The following RYR2 variants were observed in gnomAD, a reference collection of about 807,000 sequenced individuals.
RYR2 encodes ryanodine receptor 2.
RYR2 carries 227 observed loss-of-function variants against 601.1 expected under a neutral mutation model. That is an observed-to-expected ratio of 0.38 (90% CI 0.34 to 0.42). The LOEUF is 0.42. RYR2 is among the 10% of genes least tolerant of loss of function. The pLI, the probability that RYR2 is intolerant of heterozygous loss-of-function variation, is 1.00. For missense variants in RYR2, 4,646 were observed against 6,156.5 expected (o/e 0.75, Z 8.21); for synonymous variants, 2,223 against 2,175.1 (o/e 1.02, Z -0.61).
intron 38 of RYR2, among the ~76,000 whole-genome samples, chr1:237,622,985 A>G (rs1031686197): frequency 6.6e-6 from 1 of 152,206 alleles, no homozygotes; most frequent in Non-Finnish European, 1.5e-5. Context: ...TTACTTTTCA[A>G]TTATATTTTT....
intron 16 of RYR2, among the ~76,000 whole-genome samples, chr1:237,457,325 C>G (rs1658958750): frequency 1.3e-5 from 2 of 152,120 alleles, no homozygotes; most frequent in Non-Finnish European, 2.9e-5. Context: ...GCGACAGTTG[C>G]TGTGGTTTAC....
intron 10 of RYR2, among the ~76,000 whole-genome samples, chr1:237,409,586 G>A (rs1704240774): frequency 6.6e-6 from 1 of 152,028 alleles, no homozygotes; most frequent in South Asian, 2.1e-4. Context: ...AGAAATACCT[G>A]TTATGACATT....
At chr1:237,750,041 G>T (rs1339174873) in intron 80 of RYR2, among the ~76,000 whole-genome samples, 1 of 152,104 alleles carries the variant, frequency 6.6e-6, no homozygotes, top group African/African-American at 2.4e-5. Flanking sequence ...AGCTACTCGG[G>T]AGGCCGAGGC....
intron 14 of RYR2, among the ~76,000 whole-genome samples, chr1:237,452,067 A>G (rs1261977860): frequency 1.6e-5 from 1 of 60,854 alleles, no homozygotes. Flanking sequence ...TGGGGAATAT[A>G]TATAAAATTT....
At chr1:237,616,341 A>C (rs1678466738) in intron 37 of RYR2, among the ~76,000 whole-genome samples, 1 of 152,218 alleles carries the variant, frequency 6.6e-6, no homozygotes, top group Non-Finnish European at 1.5e-5. Context: ...ATACTCACTC[A>C]GTTATAAATC....
chr1:237,096,132 G>A (rs563909470), intron 1 of RYR2, among the ~76,000 whole-genome samples: 4 of 152,282 alleles, frequency 2.6e-5, no homozygotes, highest in East Asian at 3.9e-4. Flanking sequence ...ATTTCTGGGT[G>A]GGAGGAATAA....
At chr1:237,823,907 A>C (rs2790355) in intron 101 of RYR2, among the ~76,000 whole-genome samples, 27,842 of 152,112 alleles carry the variant, frequency 0.18, 3,300 homozygotes, top group East Asian at 0.56. Flanking sequence ...ACACCTTTAC[A>C]CAAATAAACT....
intron 7 of RYR2, 90 bp from the exon 8 acceptor site, chr1:237,377,233 T>C: frequency 1.2e-6 from 1 of 854,408 alleles, no homozygotes; most frequent in Non-Finnish European, 1.8e-6. Flanking sequence ...TCCGGATTTC[T>C]GAAAGTTGTG....
intron 31 of RYR2, 79 bp downstream of exon 31, chr1:237,591,071 T>A: frequency 8.2e-7 from 1 of 1,225,888 alleles, no homozygotes; most frequent in Non-Finnish European, 1.1e-6. Flanking sequence ...GGTCTCCTAG[T>A]GTAAATTTTT....
At chr1:237,615,351 A>G (rs1678350283) in intron 37 of RYR2, among the ~76,000 whole-genome samples, 1 of 152,060 alleles carries the variant, frequency 6.6e-6, no homozygotes, top group Non-Finnish European at 1.5e-5. Flanking sequence ...CACCATGCCC[A>G]GTTAATTTTT....
chr1:237,357,504 A>G (rs1699405462), intron 4 of RYR2, among the ~76,000 whole-genome samples: 1 of 152,204 alleles, frequency 6.6e-6, no homozygotes, highest in Non-Finnish European at 1.5e-5. Context: ...ACTTGCCAGT[A>G]AATAAAATCA....
chr1:237,142,615 T>C (rs1410553153), intron 1 of RYR2, among the ~76,000 whole-genome samples: 1 of 152,120 alleles, frequency 6.6e-6, no homozygotes, highest in Non-Finnish European at 1.5e-5. Context: ...GAGCTCTTCA[T>C]TGGTGGGGCA....
At chr1:237,799,577 A>T (rs1034882769) in intron 97 of RYR2, among the ~76,000 whole-genome samples, 3 of 152,320 alleles carry the variant, frequency 2.0e-5, no homozygotes, top group East Asian at 3.9e-4. Flanking sequence ...ACCTTGACAT[A>T]TGGAGAATAA....
At chr1:237,778,223 A>G (rs1394669944) in intron 87 of RYR2, among the ~76,000 whole-genome samples, 1 of 152,256 alleles carries the variant, frequency 6.6e-6, no homozygotes, top group East Asian at 1.9e-4. Flanking sequence ...TTTTCTCTAT[A>G]TGAATGCTTT....
chr1:237,135,525 A>G (rs1337024626), intron 1 of RYR2, among the ~76,000 whole-genome samples: 1 of 126,584 alleles, frequency 7.9e-6, no homozygotes, highest in Non-Finnish European at 1.7e-5. Flanking sequence ...ACCCGCCACC[A>G]CACCTAATTT....
At position 237,614,887 on chromosome 1, in the gene RYR2, CA is replaced by C. The variant is rs1458171836; in HGVS notation, c.5715+45del. ...TTGAGTGAATTTCAGAATTGCTAAGCATTAAGGTATTAGAACATGCCTTTGT... is the reference window on the plus strand; with the variant it reads ...TTGAGTGAATTTCAGAATTGCTAAGCTTAAGGTATTAGAACATGCCTTTGT... On this transcript the variant is annotated intron_variant, in intron 37 of 104. Transcript: ENST00000366574. This position sits in a 1 kb window ranked among gnomAD's most constrained non-coding sequence, Gnocchi z 4.3. 2 of 1,512,744 alleles carry C rather than the reference CA, an allele frequency of 1.3e-6. No homozygotes were observed. Among genetic ancestry groups the C allele is most frequent in the East Asian group, 4.5e-5 (2 of 44,048 alleles). The allele number at this position is 1,512,744 out of a possible 1,614,324, so 93.7% of individuals were successfully genotyped here. A position where few individuals can be genotyped will look rare whatever the true frequency, so the allele number is the denominator to read the frequency against.
chr1:237,614,798 G>A lies in RYR2; in HGVS notation c.5670G>A (p.Lys1890=), dbSNP rs779847743. Residue 1890 remains lysine, a synonymous_variant, in exon 37 of 105, where the codon AAG becomes AAA. Transcript: ENST00000366574. This position sits in a 1 kb window ranked among gnomAD's most constrained non-coding sequence, Gnocchi z 4.3. The part of the protein sequence containing the change: ...EEEAKGGKRP[K]EGLLQMKLPE... ...AAGCCAAGGGGGGCAAGCGGCCCAA[G>A]GAAGGCCTGCTCCAAATGAAACTGC... The A allele has an allele frequency of 2.4e-5, 39 of 1,603,666 alleles. 1 individual carries two copies. In the South Asian group the frequency reaches 4.3e-4, roughly 18 times the overall value.
intron 80 of RYR2, among the ~76,000 whole-genome samples, chr1:237,750,285 A>T (rs1398063634): frequency 6.6e-6 from 1 of 152,168 alleles, no homozygotes; most frequent in Non-Finnish European, 1.5e-5. Flanking sequence ...AACTATTGAA[A>T]GACAAAGAGT....
chr1:237,793,719 A>G (rs759470789), intron 94 of RYR2, 148 bp from the exon 95 acceptor site: 3 of 638,474 alleles, frequency 4.7e-6, no homozygotes, highest in Non-Finnish European at 8.1e-6. Flanking sequence ...TCCTGCTTGA[A>G]TATAGCTGAT....
Sources: gnomAD v4.1 joint callset for allele counts (sites outside exome capture counted in the v4.1 genomes callset) on GRCh38, gnomAD v4.1.1 for gene constraint, Gnocchi (gnomAD v3.1) non-coding constraint, MANE v1.5 for transcripts, NCBI Gene and HGNC (gene_info 2026-07-23, HGNC 2026-07-21) for gene names.